Variants in C1orf105 observed in about 807,000 individuals in gnomAD.
C1orf105 encodes uncharacterized protein C1orf105.
C1orf105 carries 17 observed loss-of-function variants against 20.8 expected under a neutral mutation model. The ratio of observed to expected loss-of-function variants is 0.82; its 90% CI spans 0.56 to 1.23. The LOEUF (loss-of-function observed/expected upper bound fraction) is 1.23, where lower values mean the gene tolerates loss of function less well. Among genes scored for constraint, C1orf105 ranks in the 50% most tolerant of loss-of-function variants. The pLI is 0.00. For synonymous variants in C1orf105, 72 were observed against 72.1 expected (o/e 1.00, Z 0.01); for missense variants, 219 against 213.5 (o/e 1.03, Z -0.16).
At chr1:172,443,864 C>A (rs1280083881) in intron 1 of C1orf105, 3 of 647,084 alleles carry the variant, frequency 4.6e-6, no homozygotes, top group Non-Finnish European at 5.9e-6. Context: ...TTCTGGCACC[C>A]CATTTGGCTT....
chr1:172,429,305 C>G (rs573301832), intron 1 of C1orf105, among the ~76,000 whole-genome samples: 2 of 152,178 alleles, frequency 1.3e-5, no homozygotes, highest in African/African-American at 4.8e-5. Flanking sequence ...TTACCTAGCA[C>G]GCATTGGGTG....
intron 1 of C1orf105, among the ~76,000 whole-genome samples, chr1:172,433,046 G>A (rs2071921523): frequency 6.6e-6 from 1 of 152,188 alleles, no homozygotes; most frequent in South Asian, 2.1e-4. Flanking sequence ...ATGAAATAAA[G>A]CAAGAAGACA....
At chr1:172,430,225 C>G in intron 1 of C1orf105, 1 of 661,382 alleles carries the variant, frequency 1.5e-6, no homozygotes, top group Non-Finnish European at 2.7e-6. Flanking sequence ...GACTAGATCA[C>G]TGAATTTAAG....
chr1:172,461,873 T>C (rs1203410728), intron 4 of C1orf105, among the ~76,000 whole-genome samples: 1 of 152,100 alleles, frequency 6.6e-6, no homozygotes, highest in Non-Finnish European at 1.5e-5. Flanking sequence ...GAGTCAGCAG[T>C]CTCTGTGATA....
At chr1:172,429,924 CT>C (rs907302313) in intron 1 of C1orf105, among the ~76,000 whole-genome samples, 35 of 152,292 alleles carry the variant, frequency 2.3e-4, no homozygotes, top group African/African-American at 8.2e-4. Flanking sequence ...GTGAGCAAAG[CT>C]GCCTCCCCAT....
intron 6 of C1orf105, among the ~76,000 whole-genome samples, chr1:172,466,652 A>G (rs1260407010): frequency 6.6e-6 from 1 of 151,938 alleles, no homozygotes; most frequent in Non-Finnish European, 1.5e-5. Flanking sequence ...TCCCTCAGCA[A>G]GAATATATTT....
chr1:172,430,930 C>T, intron 1 of C1orf105: 1 of 422,076 alleles, frequency 2.4e-6, no homozygotes, highest in Non-Finnish European at 4.2e-6. Context: ...TTGATGTTAC[C>T]ATTGCAATTG....
chr1:172,467,740 C>T (rs927611505), intron 6 of C1orf105, among the ~76,000 whole-genome samples: 1 of 152,132 alleles, frequency 6.6e-6, no homozygotes, highest in African/African-American at 2.4e-5. Flanking sequence ...GGAGCTTGTT[C>T]CAGAGAATTC....
intron 3 of C1orf105, among the ~76,000 whole-genome samples, chr1:172,450,666 A>T (rs1205181026): frequency 6.6e-6 from 1 of 152,146 alleles, no homozygotes; most frequent in Non-Finnish European, 1.5e-5. Context: ...GTTCCTCTTC[A>T]CCGTCACAGG....
intron 1 of C1orf105, among the ~76,000 whole-genome samples, chr1:172,421,601 C>G (rs1364357699): frequency 6.6e-6 from 1 of 152,160 alleles, no homozygotes. Flanking sequence ...GATGGCCAAA[C>G]AGAAGCCTTC....
chr1:172,421,756 A>G (rs2422139), intron 1 of C1orf105, among the ~76,000 whole-genome samples: 126,292 of 152,152 alleles, frequency 0.83, 52,632 homozygotes, highest in East Asian at 1. Flanking sequence ...ACTGAGGAAG[A>G]TAAGAAAGAC....
chr1:172,442,978 T>C (rs1232599478), intron 1 of C1orf105: 2 of 202,696 alleles, frequency 9.9e-6, no homozygotes, highest in African/African-American at 4.7e-5. Flanking sequence ...CATTTCAGAT[T>C]TGAAAATTAT....
At chr1:172,463,632 CAG>C in intron 5 of C1orf105, among the ~76,000 whole-genome samples, 1 of 152,308 alleles carries the variant, frequency 6.6e-6, no homozygotes, top group Middle Eastern at 3.4e-3. Flanking sequence ...CATCTAAAAT[CAG>C]AGATTTCTGA....
At chr1:172,465,650 G>A (rs1457659729) in intron 6 of C1orf105, 2 of 554,330 alleles carry the variant, frequency 3.6e-6, no homozygotes, top group East Asian at 4.3e-5. Flanking sequence ...ATGGAGATGG[G>A]GTACAAACAA....
chr1:172,453,003 G>A, intron 3 of C1orf105: 1 of 1,549,876 alleles, frequency 6.5e-7, no homozygotes, highest in Non-Finnish European at 8.7e-7. Flanking sequence ...TTCAGGGCTG[G>A]GAAAGAAAGC....
intron 6 of C1orf105, among the ~76,000 whole-genome samples, chr1:172,466,444 G>C (rs1650058613): frequency 6.6e-6 from 1 of 152,144 alleles, no homozygotes; most frequent in Non-Finnish European, 1.5e-5. Flanking sequence ...TTCTTTTGAA[G>C]CCAAGAGAAC....
intron 2 of C1orf105, among the ~76,000 whole-genome samples, chr1:172,446,425 T>C (rs1005498772): frequency 1.3e-5 from 2 of 152,130 alleles, no homozygotes; most frequent in African/African-American, 4.8e-5. Context: ...CTGCAATGAA[T>C]GGGAAATCAC....
intron 1 of C1orf105, among the ~76,000 whole-genome samples, chr1:172,437,180 T>C (rs946986408): frequency 3.9e-5 from 6 of 152,204 alleles, no homozygotes; most frequent in Non-Finnish European, 8.8e-5. Context: ...AGTGTGGCGA[T>C]TCCTCAAGGA....
At chr1:172,438,354 T>C (rs1477654305) in intron 1 of C1orf105, among the ~76,000 whole-genome samples, 1 of 152,234 alleles carries the variant, frequency 6.6e-6, no homozygotes, top group African/African-American at 2.4e-5. Context: ...GAGGTCAAAA[T>C]ATCGACATTA....
Sources: allele counts gnomAD v4.1 joint callset (sites outside exome capture counted in the v4.1 genomes callset), GRCh38; gene constraint gnomAD v4.1.1; transcripts MANE v1.5; gene names NCBI Gene and HGNC (gene_info 2026-07-23, HGNC 2026-07-21).